The following SLC27A5 variants were observed in gnomAD, a reference collection of about 807,000 sequenced individuals.
The protein encoded by SLC27A5 is long-chain fatty acid transport protein 5.
A neutral mutation model predicts 63.1 loss-of-function variants in SLC27A5; 47 were observed. That is an observed-to-expected ratio of 0.74 (90% confidence interval 0.59 to 0.95). SLC27A5 has a LOEUF of 0.95. Ranked by LOEUF, SLC27A5 falls within the 40% of genes least tolerant of loss-of-function variation. The pLI is 0.00. For missense variants in SLC27A5, 940 were observed against 921.0 expected (o/e 1.02, Z -0.27); for synonymous variants, 391 against 403.8 (o/e 0.97, Z 0.38).
chr19:58,498,601 A>G lies in SLC27A5; in HGVS notation c.1987T>C (p.Phe663Leu), dbSNP rs1372037644. 6 of 1,613,938 alleles carry G rather than the reference A, an allele frequency of 3.7e-6. No individual in the cohort carries two copies. Among genetic ancestry groups the G allele is most frequent in the Non-Finnish European group, 5.1e-6 (6 of 1,180,008 alleles). The change falls in exon 10 of 10, where the codon TTT becomes CTT. Residue 663 changes from phenylalanine to leucine, a missense_variant. Transcript: ENST00000263093. ...FNVGIVVDPL[F>L]VLDNRAQSFR... ...GACTGGGCCCGGTTGTCCAGTACAAACAGAGGGTCAACCACGATCCCCACA... is the reference window on the plus strand; with the variant it reads ...GACTGGGCCCGGTTGTCCAGTACAAGCAGAGGGTCAACCACGATCCCCACA...
chr19:58,503,612 G>C (rs941772326), intron 3 of SLC27A5, among the ~76,000 whole-genome samples: 7 of 151,736 alleles, frequency 4.6e-5, no homozygotes, highest in Non-Finnish European at 7.4e-5. Context: ...GTAGTGAGCC[G>C]AGCTTACACC....
chr19:58,511,125 T>C, intron 1 of SLC27A5, 143 bp downstream of exon 1: 1 of 1,015,478 alleles, frequency 9.8e-7, no homozygotes, highest in Non-Finnish European at 1.4e-6. Context: ...TGAGAACTAC[T>C]TTCTGCTCAT....
intron 3 of SLC27A5, among the ~76,000 whole-genome samples, chr19:58,502,936 GAT>G (rs760378324): frequency 3.3e-5 from 5 of 152,182 alleles, no homozygotes; most frequent in South Asian, 2.1e-4. Context: ...GCTGGGTGAG[GAT>G]CGTCACGCCT....
chr19:58,502,977 T>G (rs189432031), intron 3 of SLC27A5, among the ~76,000 whole-genome samples: 1 of 150,502 alleles, frequency 6.6e-6, no homozygotes, highest in Non-Finnish European at 1.5e-5. Context: ...GAGGCCGAGG[T>G]GGGCGGATCA....
At chr19:58,510,430 T>G in intron 2 of SLC27A5, 1 of 363,134 alleles carries the variant, frequency 2.8e-6, no homozygotes, top group Non-Finnish European at 5.0e-6. Context: ...AAAAATTAGC[T>G]GGGCATAGTG....
chr19:58,498,455 G>C lies in SLC27A5; in HGVS notation c.*60C>G. 1 of 1,515,458 alleles carries C rather than the reference G, an allele frequency of 6.6e-7. No individual in the cohort carries two copies. The highest frequency in any genetic ancestry group is 8.9e-7 in the Non-Finnish European group (1 of 1,117,514). The allele number at this position is 1,515,458 out of a possible 1,614,324, so 93.9% of individuals were successfully genotyped here. ...ACAGGCCCAGGATGAAAGGGACACCGAGTGTGTTGGGGTGGGGGTGGCTGG... is the reference window on the plus strand; with the variant it reads ...ACAGGCCCAGGATGAAAGGGACACCCAGTGTGTTGGGGTGGGGGTGGCTGG... On this transcript the variant is annotated 3_prime_UTR_variant, in exon 10 of 10. Transcript: ENST00000263093.
chr19:58,501,012 T>C (rs895792617), intron 4 of SLC27A5: 1 of 1,149,614 alleles, frequency 8.7e-7, no homozygotes, highest in Non-Finnish European at 1.1e-6. Flanking sequence ...TAATGGAAAT[T>C]TAATTTTAAT....
chr19:58,511,833 T>C lies in SLC27A5; in HGVS notation c.123A>G (p.Thr41=), dbSNP rs1167087096. ...TGGCCAGCCCAAGTAGCACGCAACATGTGGGATCCCCCAGGAGCCAGCGCA... is the reference window on the plus strand; with the variant it reads ...TGGCCAGCCCAAGTAGCACGCAACACGTGGGATCCCCCAGGAGCCAGCGCA... ...LTLRWLLGDP[T]CCVLLGLAML... is the part of the protein sequence containing the mutation. The change falls in exon 1 of 10, where the codon ACA becomes ACG. Residue 41 remains threonine, a synonymous_variant. Coordinates refer to ENST00000263093, the MANE Select transcript of SLC27A5 (RefSeq NM_012254.3). 1 of 1,559,198 alleles carries C rather than the reference T, an allele frequency of 6.4e-7. No individual in the cohort carries two copies. Among genetic ancestry groups the C allele is most frequent in the Non-Finnish European group, 8.7e-7 (1 of 1,151,968 alleles).
chr19:58,499,830 A>G (rs2053253589), intron 6 of SLC27A5, 140 bp from the exon 7 acceptor site: 1 of 745,212 alleles, frequency 1.3e-6, no homozygotes. Context: ...AGATCCAGAG[A>G]TGAGAGAGAC....
chr19:58,500,794 C>G, intron 4 of SLC27A5, 88 bp from the exon 5 acceptor site: 1 of 1,542,746 alleles, frequency 6.5e-7, no homozygotes. Flanking sequence ...TATCCTGGGT[C>G]CTTACCTTGG....
chr19:58,510,527 T>G, intron 2 of SLC27A5, 194 bp downstream of exon 2: 1 of 528,574 alleles, frequency 1.9e-6, no homozygotes. Context: ...TGAGCCGAGA[T>G]TGCACCACTG....
chr19:58,511,713 G>A lies in SLC27A5; in HGVS notation c.243C>T (p.Pro81=). ...CAGCCGGCAGCCAGCGTAGTCCTGG[G>A]GGCAGCCGTGCTGGCAGGAGGGTTA... ...LALTLLPARL[P]PGLRWLPADV... The change falls in exon 1 of 10, where the codon CCC becomes CCT. Residue 81 remains proline, a synonymous_variant. Coordinates refer to ENST00000263093, the MANE Select transcript of SLC27A5 (RefSeq NM_012254.3). 2 of 1,559,810 alleles carry A rather than the reference G, an allele frequency of 1.3e-6. No individual in the cohort carries two copies. Among genetic ancestry groups the A allele is most frequent in the Non-Finnish European group, 1.7e-6 (2 of 1,151,510 alleles).
In SLC27A5 at chr19:58,509,999, G is replaced by A. The variant is rs781164987; in HGVS notation, c.905C>T (p.Pro302Leu). 22 of 1,612,800 alleles carry A rather than the reference G, an allele frequency of 1.4e-5. No individual in the cohort carries two copies. The highest frequency in any genetic ancestry group is 6.7e-5 in the Admixed American group (4 of 59,898). Reference sequence around the variant, plus strand: ...CTCATGCGTGAGGATGGCTGGCTTCGGGAGGCCTTGGGATGAAGGCATGGC... The same window carrying A: ...CTCATGCGTGAGGATGGCTGGCTTCAGGAGGCCTTGGGATGAAGGCATGGC... ...FIYTSGTTGL[P>L]KPAILTHERV... The change falls in exon 3 of 10, where the codon CCG becomes CTG. Residue 302 changes from proline (P) to leucine (L), a missense_variant. Coordinates refer to ENST00000263093, the MANE Select transcript of SLC27A5 (RefSeq NM_012254.3).
In SLC27A5 at chr19:58,511,975, G is replaced by T. The variant is rs1038966903; in HGVS notation, c.-20C>A. ...ACCCATGGTACCAGCTCCTCCCTAGGAGCAGCAGCTGTGGAGTGTTCAGGC... is the reference window on the plus strand; with the variant it reads ...ACCCATGGTACCAGCTCCTCCCTAGTAGCAGCAGCTGTGGAGTGTTCAGGC... On this transcript the variant is annotated 5_prime_UTR_variant, in exon 1 of 10. Transcript: ENST00000263093. 6.6e-7 allele frequency: 1 copy of T among 1,520,782 alleles called. No individual in the cohort carries two copies. Among genetic ancestry groups the T allele is most frequent in the South Asian group, 1.2e-5 (1 of 82,322 alleles). 94.2% of individuals were successfully genotyped at this position (1,520,782 alleles called of 1,614,324 possible). A position where few individuals can be genotyped will look rare whatever the true frequency, so the allele number is the denominator to read the frequency against.
At chr19:58,504,922 C>T (rs1486000994) in intron 3 of SLC27A5, among the ~76,000 whole-genome samples, 1 of 149,436 alleles carries the variant, frequency 6.7e-6, no homozygotes, top group African/African-American at 2.5e-5. Context: ...AGGAGAATGG[C>T]ATGAACCCAG....
intron 2 of SLC27A5, chr19:58,510,232 C>A (rs549160425): frequency 2.0e-6 from 1 of 492,296 alleles, no homozygotes; most frequent in East Asian, 3.4e-5. Flanking sequence ...AGGAAGAATT[C>A]TGGCATTGAC....
At position 58,499,572 on chromosome 19, in the gene SLC27A5, A is replaced by G. The variant is rs756659258; in HGVS notation, c.1587T>C (p.Val529=). The change falls in exon 7 of 10, where the codon GTT becomes GTC. Residue 529 remains valine (V), a synonymous_variant. Coordinates refer to ENST00000263093, the MANE Select transcript of SLC27A5 (RefSeq NM_012254.3). ...LVRNVRQSGD[V]YYNTGDVLAM... ...CCAGTACGTCCCCGGTGTTGTAGTA[A>G]ACGTCGCCCGATTGCCGCACGTTGC... 7 of 1,612,620 alleles carry G rather than the reference A, an allele frequency of 4.3e-6. No individual in the cohort carries two copies. In the East Asian group the frequency reaches 1.3e-4, roughly 31 times the overall value.
chr19:58,499,114 C>A lies in SLC27A5; in HGVS notation c.1765+9G>T. On this transcript the variant is annotated intron_variant, in intron 8 of 9. Transcript: ENST00000263093. ...GCTGTTGGAAGTTTAAAATGAGAAC[C>A]CTCCGCACCTGGCACGCACACGCCA... 6.2e-7 allele frequency: 1 copy of A among 1,613,896 alleles called. No individual in the cohort carries two copies. The highest frequency in any genetic ancestry group is 1.1e-5 in the South Asian group (1 of 91,062).
In SLC27A5 at chr19:58,509,924, T is replaced by G. The variant is rs1455533784; in HGVS notation, c.980A>C (p.Asp327Ala). ...KMLSLSGATA[D>A]DVVYTVLPLY... Reference sequence around the variant, plus strand: ...AGGCAGGACCGTGTAAACCACATCATCAGCTGTGGCCCCAGATAAGGACAG... The same window carrying G: ...AGGCAGGACCGTGTAAACCACATCAGCAGCTGTGGCCCCAGATAAGGACAG... The change falls in exon 3 of 10, where the codon GAT (aspartate) becomes GCT (alanine). Residue 327 changes from aspartate to alanine, a missense_variant. By Grantham distance (126) the Asp-to-Ala change is moderately radical (BLOSUM62 -2). Coordinates refer to ENST00000263093, the MANE Select transcript of SLC27A5 (RefSeq NM_012254.3). 1 of 1,613,786 alleles carries G rather than the reference T, an allele frequency of 6.2e-7. No individual in the cohort carries two copies. Among genetic ancestry groups the G allele is most frequent in the African/African-American group, 1.3e-5 (1 of 74,896 alleles).
Sources: allele counts gnomAD v4.1 joint callset (sites outside exome capture counted in the v4.1 genomes callset), GRCh38; gene constraint gnomAD v4.1.1; transcripts MANE v1.5; gene names NCBI Gene and HGNC (gene_info 2026-07-23, HGNC 2026-07-21).